Variants in HS6ST2 observed in about 807,000 individuals in gnomAD.
HS6ST2 encodes the protein heparan sulfate 6-O-sulfotransferase 2, also known as heparan-sulfate 6-O-sulfotransferase 2.
Under a neutral mutation model 33.0 loss-of-function variants are expected in HS6ST2, and 17 were observed. The ratio of observed to expected loss-of-function variants is 0.52; its 90% CI spans 0.35 to 0.77. The LOEUF is 0.77. Among genes scored for constraint, HS6ST2 ranks in the 30% least tolerant of loss-of-function variants. HS6ST2 has a pLI of 0.01. For synonymous variants in HS6ST2, 248 were observed against 237.1 expected (o/e 1.05, Z -0.42); for missense variants, 519 against 551.7 (o/e 0.94, Z 0.59).
At chrX:132,774,496 G>A (rs1934078678) in intron 2 of HS6ST2, among the ~76,000 whole-genome samples, 1 of 111,725 alleles carries the variant, frequency 9.0e-6, no homozygotes, top group Non-Finnish European at 1.9e-5. Flanking sequence ...TCTGGGGAAA[G>A]CCAGAGTGAG....
intron 4 of HS6ST2, among the ~76,000 whole-genome samples, chrX:132,642,757 C>T (rs1009419505): frequency 8.9e-6 from 1 of 112,245 alleles, no homozygotes; most frequent in Admixed American, 9.4e-5. Context: ...GGGGCAAGTA[C>T]AGGAAGGAGG....
At chrX:132,775,584 G>T (rs184064845) in intron 2 of HS6ST2, among the ~76,000 whole-genome samples, 131 of 111,676 alleles carry the variant, frequency 1.2e-3, no homozygotes, top group Non-Finnish European at 1.4e-3. Flanking sequence ...TGTTGTTTCT[G>T]CTTCTTTCCT....
At chrX:132,746,630 A>G (rs2064647522) in intron 2 of HS6ST2, among the ~76,000 whole-genome samples, 1 of 112,436 alleles carries the variant, frequency 8.9e-6, no homozygotes, top group Admixed American at 9.4e-5. Context: ...CCCTCTGCCT[A>G]GGAAGATGCC....
chrX:132,748,085 A>G (rs1402208688), intron 2 of HS6ST2, among the ~76,000 whole-genome samples: 1 of 111,535 alleles, frequency 9.0e-6, no homozygotes, highest in African/African-American at 3.3e-5. Flanking sequence ...TTCTTCCCCA[A>G]CATAGCTCTC....
At chrX:132,846,117 T>A in intron 2 of HS6ST2, among the ~76,000 whole-genome samples, 1 of 112,164 alleles carries the variant, frequency 8.9e-6, no homozygotes, top group Non-Finnish European at 1.9e-5. Context: ...AACTTTCACA[T>A]GTCACAAAAT....
intron 2 of HS6ST2, among the ~76,000 whole-genome samples, chrX:132,810,006 C>T (rs903681327): frequency 2.7e-5 from 3 of 111,667 alleles, no homozygotes; most frequent in Non-Finnish European, 5.6e-5. Context: ...TGCTCCCTTC[C>T]CCACTGAGTC....
chrX:132,853,567 T>C lies in HS6ST2; in HGVS notation c.947+103241A>G, dbSNP rs1261631256. ...CCAGTAAGGATAATCAGACTATGAA[T>C]AATCAAGAGCTGCACCCATTGTTAC... On this transcript the variant is annotated intron_variant, in intron 2 of 4. Coordinates refer to ENST00000370833, the MANE Select transcript of HS6ST2 (RefSeq NM_001394073.1). 3.6e-5 allele frequency among the ~76,000 whole-genome samples: 4 copies of C among 111,051 alleles called. No individual in the cohort carries two copies. In the Admixed American group the frequency reaches 3.8e-4, roughly 11 times the overall value.
At chrX:132,832,418 T>C (rs776565783) in intron 2 of HS6ST2, among the ~76,000 whole-genome samples, 1 of 112,151 alleles carries the variant, frequency 8.9e-6, no homozygotes, top group South Asian at 3.7e-4. Flanking sequence ...GGCAATTTCA[T>C]TACAAGCCAA....
At chrX:132,797,503 G>A (rs1165908551) in intron 2 of HS6ST2, among the ~76,000 whole-genome samples, 1 of 112,247 alleles carries the variant, frequency 8.9e-6, no homozygotes, top group Non-Finnish European at 1.9e-5. Context: ...ACTTGTAAAC[G>A]TAAAGCTGTC....
At chrX:132,901,816 C>T (rs960492403) in intron 2 of HS6ST2, among the ~76,000 whole-genome samples, 2 of 111,063 alleles carry the variant, frequency 1.8e-5, no homozygotes, top group African/African-American at 6.6e-5. Flanking sequence ...TACACAGGAT[C>T]AAAGGCTCAG....
At chrX:132,675,121 G>C (rs1466923897) in intron 3 of HS6ST2, among the ~76,000 whole-genome samples, 1 of 111,411 alleles carries the variant, frequency 9.0e-6, no homozygotes, top group East Asian at 2.8e-4. Context: ...ATCTGGACTA[G>C]AGGAGAAGAT....
intron 2 of HS6ST2, among the ~76,000 whole-genome samples, chrX:132,945,560 A>G (rs781509709): frequency 2.2e-4 from 24 of 110,802 alleles, no homozygotes; most frequent in Middle Eastern, 4.7e-3. Flanking sequence ...GCACACATAT[A>G]TTTATTGCGG....
intron 3 of HS6ST2, among the ~76,000 whole-genome samples, chrX:132,683,230 G>A (rs755561620): frequency 7.1e-5 from 8 of 112,015 alleles, no homozygotes; most frequent in Non-Finnish European, 1.1e-4. Flanking sequence ...AAGGGGTCAT[G>A]TCCTTTACAG....
At chrX:132,859,894 T>G (rs1327116575) in intron 2 of HS6ST2, among the ~76,000 whole-genome samples, 1 of 66,570 alleles carries the variant, frequency 1.5e-5, no homozygotes, top group Non-Finnish European at 2.6e-5. Context: ...TGAAAATAAT[T>G]GGGAGGGAAA....
intron 2 of HS6ST2, among the ~76,000 whole-genome samples, chrX:132,773,770 A>G (rs2064929708): frequency 8.9e-6 from 1 of 111,954 alleles, no homozygotes; most frequent in Admixed American, 9.5e-5. Context: ...AATGTTCAAT[A>G]TAGGTAAATC....
At chrX:132,732,207 T>C (rs190163510) in intron 2 of HS6ST2, among the ~76,000 whole-genome samples, 1 of 112,138 alleles carries the variant, frequency 8.9e-6, no homozygotes, top group East Asian at 2.8e-4. Flanking sequence ...GCACGTTCAA[T>C]GAACAAACCA....
chrX:132,660,245 T>C (rs2063761676), intron 4 of HS6ST2, among the ~76,000 whole-genome samples: 1 of 111,675 alleles, frequency 9.0e-6, no homozygotes, highest in Non-Finnish European at 1.9e-5. Flanking sequence ...CTCAGTAAAA[T>C]TTTTGAATGA....
chrX:132,787,171 A>ATATATATGTG (rs2065071072), intron 2 of HS6ST2, among the ~76,000 whole-genome samples: 2 of 81,767 alleles, frequency 2.4e-5, no homozygotes, highest in African/African-American at 1.1e-4. Context: ...ATATATGTAT[A>ATATATATGTG]TATATATATA....
At chrX:132,732,218 T>C (rs1315581855) in intron 2 of HS6ST2, among the ~76,000 whole-genome samples, 1 of 111,874 alleles carries the variant, frequency 8.9e-6, no homozygotes, top group Admixed American at 9.5e-5. Flanking sequence ...GAACAAACCA[T>C]TTCTTATTGG....
Sources: gnomAD v4.1 joint callset for allele counts (sites outside exome capture counted in the v4.1 genomes callset) on GRCh38, gnomAD v4.1.1 for gene constraint, MANE v1.5 for transcripts, NCBI Gene and HGNC (gene_info 2026-07-23, HGNC 2026-07-21) for gene names.